KCND2: variants seen among roughly 807,000 people sequenced by gnomAD.
The protein encoded by KCND2 is A-type voltage-gated potassium channel KCND2.
A neutral mutation model predicts 54.4 loss-of-function variants in KCND2; 16 were observed. That is an observed-to-expected ratio of 0.29 (90% CI 0.20 to 0.45). The LOEUF (loss-of-function observed/expected upper bound fraction) is 0.45. KCND2 is among the 20% of genes least tolerant of loss of function. The pLI, the probability that KCND2 is intolerant of heterozygous loss-of-function variation, is 1.00. For missense variants in KCND2, 486 were observed against 824.2 expected, an observed-to-expected ratio of 0.59 and a Z score of 5.02; for synonymous variants, 317 against 310.7, an observed-to-expected ratio of 1.02 and a Z score of -0.21.
At chr7:120,344,881 A>C (rs1800291987) in intron 1 of KCND2, among the ~76,000 whole-genome samples, 1 of 152,180 alleles carries the variant, frequency 6.6e-6, no homozygotes, top group Non-Finnish European at 1.5e-5. Flanking sequence ...TTCTTTGGAC[A>C]CATAGATGAA....
intron 1 of KCND2, among the ~76,000 whole-genome samples, chr7:120,533,182 T>C (rs1791863116): frequency 6.6e-6 from 1 of 152,228 alleles, no homozygotes; most frequent in Admixed American, 6.6e-5. Flanking sequence ...AAGAGTCTAC[T>C]CCACATCTCA....
chr7:120,527,647 A>T (rs1397276418), intron 1 of KCND2, among the ~76,000 whole-genome samples: 4 of 151,960 alleles, frequency 2.6e-5, no homozygotes, highest in African/African-American at 7.3e-5. Flanking sequence ...ATATTTGTGT[A>T]TTTTTTTCAC....
At chr7:120,512,597 G>T (rs909901888) in intron 1 of KCND2, among the ~76,000 whole-genome samples, 2 of 151,958 alleles carry the variant, frequency 1.3e-5, no homozygotes, top group African/African-American at 4.8e-5. Flanking sequence ...GGCTCATTAT[G>T]AAGAGAAATA....
chr7:120,388,500 G>A (rs1303425969), intron 1 of KCND2, among the ~76,000 whole-genome samples: 4 of 152,038 alleles, frequency 2.6e-5, no homozygotes, highest in African/African-American at 9.7e-5. Flanking sequence ...TTAGACTGGA[G>A]TGAGAGAGGA....
intron 1 of KCND2, among the ~76,000 whole-genome samples, chr7:120,580,384 G>A (rs977047427): frequency 4.6e-5 from 7 of 152,072 alleles, no homozygotes; most frequent in Non-Finnish European, 8.8e-5. Flanking sequence ...CAGGCAAACC[G>A]TCTCTCCTCT....
At chr7:120,601,200 A>G (rs1234998444) in intron 1 of KCND2, among the ~76,000 whole-genome samples, 2 of 152,116 alleles carry the variant, frequency 1.3e-5, no homozygotes, top group African/African-American at 2.4e-5. Flanking sequence ...GAGTTACCAT[A>G]TTGTAAACAC....
intron 1 of KCND2, among the ~76,000 whole-genome samples, chr7:120,689,195 T>A (rs1157824639): frequency 6.6e-6 from 1 of 152,164 alleles, no homozygotes; most frequent in East Asian, 1.9e-4. Flanking sequence ...TCACATTGCA[T>A]TTTTAGTTTC....
chr7:120,417,980 C>T (rs1438783838), intron 1 of KCND2, among the ~76,000 whole-genome samples: 1 of 152,140 alleles, frequency 6.6e-6, no homozygotes, highest in African/African-American at 2.4e-5. Context: ...TGTTAAAAAA[C>T]CCACTAAATA....
intron 1 of KCND2, among the ~76,000 whole-genome samples, chr7:120,689,343 T>G (rs1792242151): frequency 6.6e-6 from 1 of 152,182 alleles, no homozygotes; most frequent in South Asian, 2.1e-4. Context: ...CAATACAAAT[T>G]TTATTTTTTT....
chr7:120,536,558 A>G (rs1791909748), intron 1 of KCND2, among the ~76,000 whole-genome samples: 1 of 152,186 alleles, frequency 6.6e-6, no homozygotes, highest in Non-Finnish European at 1.5e-5. Context: ...TATCAACAAA[A>G]TTTGTGTAAT....
chr7:120,498,770 A>C (rs1042713317), intron 1 of KCND2, among the ~76,000 whole-genome samples: 1 of 152,116 alleles, frequency 6.6e-6, no homozygotes, highest in Non-Finnish European at 1.5e-5. Context: ...GCGAGACTCC[A>C]TCTCAAAAAC....
At chr7:120,547,456 T>C (rs1202192341) in intron 1 of KCND2, among the ~76,000 whole-genome samples, 1 of 151,960 alleles carries the variant, frequency 6.6e-6, no homozygotes, top group Non-Finnish European at 1.5e-5. Context: ...GAATCTTCAC[T>C]TCTCCTATTG....
At chr7:120,739,790 A>G (rs1792916933) in intron 2 of KCND2, among the ~76,000 whole-genome samples, 2 of 142,898 alleles carry the variant, frequency 1.4e-5, no homozygotes, top group African/African-American at 5.5e-5. Context: ...GTAAGACTTA[A>G]CAAAAGAAAC....
At chr7:120,351,404 ACACACACACT>A (rs1438874210) in intron 1 of KCND2, among the ~76,000 whole-genome samples, 143 of 134,954 alleles carry the variant, frequency 1.1e-3, no homozygotes, top group African/African-American at 3.8e-3. Context: ...ACACACACAC[ACACACACACT>A]CTCTCTCTCT....
chr7:120,497,378 A>G (rs1286019379), intron 1 of KCND2, among the ~76,000 whole-genome samples: 1 of 152,198 alleles, frequency 6.6e-6, no homozygotes, highest in Non-Finnish European at 1.5e-5. Flanking sequence ...CATACGTGCT[A>G]TTTCTTAGTC....
At chr7:120,457,693 A>C (rs1802219967) in intron 1 of KCND2, among the ~76,000 whole-genome samples, 1 of 152,152 alleles carries the variant, frequency 6.6e-6, no homozygotes, top group South Asian at 2.1e-4. Flanking sequence ...AGTCTCTAGG[A>C]AGTTCCAGAC....
At chr7:120,393,994 A>C (rs1032968308) in intron 1 of KCND2, among the ~76,000 whole-genome samples, 2 of 152,022 alleles carry the variant, frequency 1.3e-5, no homozygotes, top group African/African-American at 4.8e-5. Context: ...TCAGGCCGTA[A>C]ATTATGGTTT....
At chr7:120,652,922 T>C (rs2116547778) in intron 1 of KCND2, among the ~76,000 whole-genome samples, 1 of 152,334 alleles carries the variant, frequency 6.6e-6, no homozygotes. Context: ...TTTTTAATCA[T>C]GTTCTTTCTT....
chr7:120,476,192 C>G (rs1330471094), intron 1 of KCND2, among the ~76,000 whole-genome samples: 1 of 152,162 alleles, frequency 6.6e-6, no homozygotes, highest in Non-Finnish European at 1.5e-5. Flanking sequence ...AGTCACTTAA[C>G]CTTTCAACAT....
Sources: gnomAD v4.1 joint callset for allele counts (sites outside exome capture counted in the v4.1 genomes callset) on GRCh38, gnomAD v4.1.1 for gene constraint, MANE v1.5 for transcripts, NCBI Gene and HGNC (gene_info 2026-07-23, HGNC 2026-07-21) for gene names.